The following DMD variants were observed in gnomAD, a reference collection of about 807,000 sequenced individuals.
DMD encodes mutant dystrophin.
DMD carries 63 observed loss-of-function variants against 330.1 expected under a neutral mutation model. The ratio of observed to expected loss-of-function variants is 0.19; its 90% CI spans 0.16 to 0.24. DMD has a LOEUF of 0.24. DMD is among the 10% of genes least tolerant of loss of function. DMD has a pLI of 1.00. For missense variants in DMD, 3,344 were observed against 2,684.1 expected (o/e 1.25, Z -5.43); for synonymous variants, 1,223 against 959.8 (o/e 1.27, Z -5.07).
intron 2 of DMD, among the ~76,000 whole-genome samples, chrX:32,941,031 C>G (rs1364601999): frequency 9.0e-6 from 1 of 111,675 alleles, no homozygotes; most frequent in Admixed American, 9.5e-5. Flanking sequence ...TACAAGTAGC[C>G]TACAAGCATA....
intron 1 of DMD, among the ~76,000 whole-genome samples, chrX:33,328,150 G>A (rs2054115342): frequency 1.8e-5 from 2 of 111,362 alleles, no homozygotes; most frequent in South Asian, 7.4e-4. Context: ...TTATGAAAGA[G>A]GAAAAATAAA....
At chrX:31,293,236 T>A (rs1444363115) in intron 62 of DMD, among the ~76,000 whole-genome samples, 1 of 97,010 alleles carries the variant, frequency 1.0e-5, no homozygotes, top group African/African-American at 4.1e-5. Flanking sequence ...TGTGTGTGTG[T>A]GTGTGTGTGT....
chrX:32,280,006 C>CATATATATGTACCCCACAT (rs2097409863), intron 43 of DMD, among the ~76,000 whole-genome samples: 2 of 66,994 alleles, frequency 3.0e-5, no homozygotes, highest in South Asian at 1.2e-3. Context: ...ATGTACCCCA[C>CATATATATGTACCCCACAT]ATATATATAT....
chrX:32,142,114 T>C (rs936734730), intron 44 of DMD, among the ~76,000 whole-genome samples: 1 of 110,599 alleles, frequency 9.0e-6, no homozygotes, highest in African/African-American at 3.3e-5. Context: ...TAGAGGATGG[T>C]GCAAGGGGGG....
chrX:32,665,656 T>C (rs1161725212), intron 9 of DMD, among the ~76,000 whole-genome samples: 1 of 108,788 alleles, frequency 9.2e-6, no homozygotes, highest in Non-Finnish European at 1.9e-5. Flanking sequence ...AAGCAAAAAA[T>C]ATATGTGCTC....
rs1005309726 is a variant in DMD at position 31,733,422 on chromosome X, G to T, written c.7543-3674C>A. Among the ~76,000 whole-genome samples, 7 of 110,972 alleles carry T rather than the reference G, an allele frequency of 6.3e-5. 1 individual carries two copies. In the Admixed American group the frequency reaches 6.7e-4, roughly 11 times the overall value. ...AGAAAAGACTTTGAAAATCAAACTG[G>T]TCATATTTTTATATTTTTCTATAAA... On this transcript the variant is annotated intron_variant, in intron 51 of 78. Coordinates refer to ENST00000357033, the MANE Select transcript of DMD (RefSeq NM_004006.3).
At chrX:32,559,003 T>G (rs1234311437) in intron 16 of DMD, among the ~76,000 whole-genome samples, 1 of 91,414 alleles carries the variant, frequency 1.1e-5, no homozygotes, top group Non-Finnish European at 2.1e-5. Context: ...CCGGCTGGAG[T>G]GCAGTGGCAT....
At chrX:31,734,331 C>T (rs890629937) in intron 51 of DMD, among the ~76,000 whole-genome samples, 5 of 110,354 alleles carry the variant, frequency 4.5e-5, no homozygotes, top group Admixed American at 1.9e-4. Context: ...TCTTAAATAA[C>T]CTCAGCTCAG....
intron 55 of DMD, among the ~76,000 whole-genome samples, chrX:31,550,426 G>A (rs1479838557): frequency 8.9e-6 from 1 of 111,955 alleles, no homozygotes; most frequent in East Asian, 2.8e-4. Flanking sequence ...GAGGCCTTCA[G>A]TTTATCAACA....
At chrX:33,294,025 A>C (rs775102431) in intron 1 of DMD, among the ~76,000 whole-genome samples, 1 of 111,353 alleles carries the variant, frequency 9.0e-6, no homozygotes, top group South Asian at 3.8e-4. Flanking sequence ...GCTTCTGCTG[A>C]TAAGTAAAAA....
At chrX:32,670,538 T>C (rs978373522) in intron 9 of DMD, among the ~76,000 whole-genome samples, 6 of 111,593 alleles carry the variant, frequency 5.4e-5, no homozygotes, top group Non-Finnish European at 1.1e-4. Context: ...CTCATAAATA[T>C]TGCCATTCAA....
chrX:31,722,555 C>G (rs62589509), intron 52 of DMD, among the ~76,000 whole-genome samples: 3 of 110,672 alleles, frequency 2.7e-5, no homozygotes, highest in African/African-American at 9.9e-5. Context: ...ACAAGGCAAA[C>G]AGTAATGGCT....
intron 43 of DMD, among the ~76,000 whole-genome samples, chrX:32,218,453 G>C (rs2097121298): frequency 9.0e-6 from 1 of 111,686 alleles, no homozygotes; most frequent in African/African-American, 3.3e-5. Flanking sequence ...CAGAGTACAG[G>C]AATCTGTCAA....
At chrX:32,528,834 A>T (rs189040437) in intron 17 of DMD, among the ~76,000 whole-genome samples, 2,312 of 108,770 alleles carry the variant, frequency 0.021, 54 homozygotes, top group Admixed American at 0.068. Flanking sequence ...AAATGTTTAA[A>T]TTTACCTACA....
At chrX:32,727,202 G>C (rs979559696) in intron 7 of DMD, among the ~76,000 whole-genome samples, 9 of 111,379 alleles carry the variant, frequency 8.1e-5, no homozygotes, top group Admixed American at 3.8e-4. Flanking sequence ...TGAATGCATA[G>C]ATATCTCTAA....
At chrX:32,853,978 C>T (rs2081349955) in intron 2 of DMD, among the ~76,000 whole-genome samples, 1 of 111,141 alleles carries the variant, frequency 9.0e-6, no homozygotes, top group African/African-American at 3.3e-5. Flanking sequence ...TAAGAAGAGA[C>T]AAAGATCAAC....
At chrX:32,481,457 C>A (rs1005718955) in intron 21 of DMD, among the ~76,000 whole-genome samples, 4 of 111,178 alleles carry the variant, frequency 3.6e-5, no homozygotes, top group Non-Finnish European at 7.6e-5. Flanking sequence ...GAAATTCTTT[C>A]GGAAATGTCT....
intron 62 of DMD, among the ~76,000 whole-genome samples, chrX:31,282,548 T>TAA (rs763029600): frequency 9.7e-6 from 1 of 103,176 alleles, no homozygotes; most frequent in African/African-American, 3.5e-5. Flanking sequence ...ATATAAATAG[T>TAA]AAAAAAAAAA....
intron 55 of DMD, among the ~76,000 whole-genome samples, chrX:31,559,510 G>A (rs376453673): frequency 6.7e-5 from 6 of 89,167 alleles, no homozygotes; most frequent in African/African-American, 1.4e-4. Context: ...GCATGGTGGC[G>A]CGCGCCTGTA....
Sources: gnomAD v4.1 joint callset for allele counts (sites outside exome capture counted in the v4.1 genomes callset) on GRCh38, gnomAD v4.1.1 for gene constraint, MANE v1.5 for transcripts, NCBI Gene and HGNC (gene_info 2026-07-23, HGNC 2026-07-21) for gene names.